KCNA2: variants seen among roughly 807,000 people sequenced by gnomAD.
KCNA2 encodes the protein potassium channel, voltage gated shaker related subfamily A, member 2.
In KCNA2, 11 loss-of-function variants were observed where a neutral mutation model predicts 33.4. The ratio of observed to expected loss-of-function variants is 0.33; its 90% CI spans 0.21 to 0.55. The LOEUF is 0.55. Ranked by LOEUF, KCNA2 falls within the 20% of genes least tolerant of loss-of-function variation. The pLI is 0.93. For missense variants in KCNA2, 291 were observed against 621.6 expected (o/e 0.47, Z 5.66); for synonymous variants, 222 against 231.3 (o/e 0.96, Z 0.37).
intron 1 of KCNA2, among the ~76,000 whole-genome samples, chr1:110,620,795 G>A (rs930355262): frequency 6.6e-6 from 1 of 152,136 alleles, no homozygotes; most frequent in African/African-American, 2.4e-5. Context: ...ACCCCCAGCG[G>A]CCCCGTGTGT....
chr1:110,628,360 C>A (rs1273679097), intron 1 of KCNA2, among the ~76,000 whole-genome samples: 2 of 152,160 alleles, frequency 1.3e-5, no homozygotes, highest in South Asian at 2.1e-4. Flanking sequence ...CTTCCATGAT[C>A]GCCCTCTGAA....
chr1:110,603,506 T>C lies in KCNA2; in HGVS notation c.1277A>G (p.Gln426Arg), dbSNP rs1649453797. ...GCTTGTCACTTGCAAGTATTGGGCC[T>C]GTTCCTCTCCCTCTGTCTCCCGGTG... ...FYHRETEGEE[Q>R]AQYLQVTSCP... Residue 426 changes from glutamine to arginine, a missense_variant, in exon 3 of 3, where the codon CAG (glutamine) becomes CGG (arginine). Physicochemically the swap from Gln to Arg is conservative, Grantham distance 43. Around this residue, in one of 5 missense-constraint regions of KCNA2, gnomAD observed 65 missense variants for 95.1 expected, o/e 0.68. Coordinates refer to ENST00000316361, the MANE Select transcript of KCNA2 (RefSeq NM_004974.4). The surrounding 1 kb of genome is among the most constrained non-coding windows in gnomAD (Gnocchi z 5.7). 2 of 1,614,018 alleles carry C rather than the reference T, an allele frequency of 1.2e-6. No individual in the cohort carries two copies. The highest frequency in any genetic ancestry group is 1.1e-5 in the South Asian group (1 of 91,064).
Position 110,614,967 on chromosome 1 carries a change from C to T in KCNA2, c.-495-9245G>A, listed in dbSNP as rs1008895832. ...CAAAGATGCCAAATCATTTTGAAAACGAATCCTGCAAACATTCCAAACAGT... is the reference window on the plus strand; with the variant it reads ...CAAAGATGCCAAATCATTTTGAAAATGAATCCTGCAAACATTCCAAACAGT... On this transcript the variant is annotated intron_variant, in intron 1 of 4. Transcript: ENST00000369770. 3.3e-5 allele frequency among the ~76,000 whole-genome samples: 5 copies of T among 152,226 alleles called. 1 individual carries two copies. The highest frequency in any genetic ancestry group is 9.6e-5 in the African/African-American group (4 of 41,468).
In KCNA2 at chr1:110,594,313, ATATATATATG is replaced by A; in HGVS notation, c.*8960_*8969del. On this transcript the variant is annotated 3_prime_UTR_variant, in exon 3 of 3. Coordinates refer to ENST00000316361, the MANE Select transcript of KCNA2 (RefSeq NM_004974.4). ...TCTCTCTATATATATATATACATAT[ATATATATATG>A]TGTGTGTATATATATATACACACAC... 1.1e-6 allele frequency: 1 copy of A among 903,906 alleles called. No individual in the cohort carries two copies. 56.0% of individuals were successfully genotyped at this position (903,906 alleles called of 1,614,324 possible). A position where few individuals can be genotyped will look rare whatever the true frequency, so the allele number is the denominator to read the frequency against.
chr1:110,629,497 C>T (rs773889961), intron 1 of KCNA2, among the ~76,000 whole-genome samples: 6 of 152,194 alleles, frequency 3.9e-5, no homozygotes, highest in East Asian at 3.8e-4. Flanking sequence ...ATGCTGTTAA[C>T]GTTTGTAGAC....
intron 1 of KCNA2, among the ~76,000 whole-genome samples, chr1:110,615,453 T>G (rs1469222017): frequency 1.3e-5 from 2 of 152,204 alleles, no homozygotes; most frequent in African/African-American, 4.8e-5. Flanking sequence ...TTTTCTGAAT[T>G]GATTAAAAGA....
At chr1:110,624,297 C>T (rs1650336865) in intron 1 of KCNA2, among the ~76,000 whole-genome samples, 1 of 152,228 alleles carries the variant, frequency 6.6e-6, no homozygotes, top group African/African-American at 2.4e-5. Flanking sequence ...CAATGGAATG[C>T]TATTCAGCAA....
In KCNA2 at chr1:110,601,693, T is replaced by C. The variant is rs1384049417; in HGVS notation, c.*1590A>G. ...AACCCAGGCCCAGTGGGGTTACCAA[T>C]GAGACAAATTAACCCATTAGGCCTC... is the stretch of plus-strand genomic sequence containing the variant. On this transcript the variant is annotated 3_prime_UTR_variant, in exon 3 of 3. Coordinates refer to ENST00000316361, the MANE Select transcript of KCNA2 (RefSeq NM_004974.4). 1 of 1,106,914 alleles carries C rather than the reference T, an allele frequency of 9.0e-7. No homozygotes were observed. Among genetic ancestry groups the C allele is most frequent in the Non-Finnish European group, 1.1e-6 (1 of 910,430 alleles). The allele number at this position is 1,106,914 out of a possible 1,614,324, so 68.6% of individuals were successfully genotyped here. A position where few individuals can be genotyped will look rare whatever the true frequency, so the allele number is the denominator to read the frequency against.
At chr1:110,628,710 C>T (rs1262991636) in intron 1 of KCNA2, among the ~76,000 whole-genome samples, 3 of 152,168 alleles carry the variant, frequency 2.0e-5, no homozygotes, top group Non-Finnish European at 4.4e-5. Flanking sequence ...GGCAGGAGGT[C>T]AGATTAGATG....
rs1379144606 is a variant in KCNA2, at chr1:110,603,273, T to TA, written c.*9dup. The TA allele has an allele frequency of 2.5e-6, 4 of 1,591,202 alleles. No homozygotes were observed. The African/African-American group carries it at 4.0e-5, about 16-fold the overall frequency. On this transcript the variant is annotated 3_prime_UTR_variant, in exon 3 of 3. Transcript: ENST00000316361. This position sits in a 1 kb window ranked among gnomAD's most constrained non-coding sequence, Gnocchi z 5.7. ...TTCCATTGAGCTGTGAGTACGGTAATAGGTTTCAATCAGACATCAGTTAAC... is the reference window on the plus strand; with the variant it reads ...TTCCATTGAGCTGTGAGTACGGTAATAAGGTTTCAATCAGACATCAGTTAAC...
chr1:110,612,387 G>A (rs1557736817), intron 1 of KCNA2, among the ~76,000 whole-genome samples: 1 of 152,176 alleles, frequency 6.6e-6, no homozygotes, highest in Non-Finnish European at 1.5e-5. Flanking sequence ...AATAGTGTAG[G>A]TGATTGTAAC....
chr1:110,599,823 G>A lies in KCNA2; in HGVS notation c.*3460C>T. 1 of 985,572 alleles carries A rather than the reference G, an allele frequency of 1.0e-6. No individual in the cohort carries two copies. Among genetic ancestry groups the A allele is most frequent in the Non-Finnish European group, 1.2e-6 (1 of 830,084 alleles). The allele number at this position is 985,572 out of a possible 1,614,324, so 61.1% of individuals were successfully genotyped here. A position where few individuals can be genotyped will look rare whatever the true frequency, so the allele number is the denominator to read the frequency against. ...GAGCCTGGGCTATTGGGTTGTCTGT[G>A]CGGATTTGCTGGAAGGAAGGAAGGG... On this transcript the variant is annotated 3_prime_UTR_variant, in exon 3 of 3. Transcript: ENST00000316361.
At chr1:110,621,171 C>T (rs185273810) in intron 1 of KCNA2, among the ~76,000 whole-genome samples, 206 of 152,302 alleles carry the variant, frequency 1.4e-3, no homozygotes, top group Non-Finnish European at 2.1e-3. Flanking sequence ...AGTCCCACTC[C>T]TTGTTTGCTG....
chr1:110,593,766 T>TATATGTGTAC lies in KCNA2; in HGVS notation c.*9516_*9517insGTACACATAT. The TATATGTGTAC allele has an allele frequency of 4.4e-6, 5 of 1,145,636 alleles. No homozygotes were observed. The highest frequency in any genetic ancestry group is 6.2e-6 in the Non-Finnish European group (5 of 809,506). 71.0% of individuals were successfully genotyped at this position (1,145,636 alleles called of 1,614,324 possible). A position where few individuals can be genotyped will look rare whatever the true frequency, so the allele number is the denominator to read the frequency against. On this transcript the variant is annotated 3_prime_UTR_variant, in exon 3 of 3. Coordinates refer to ENST00000316361, the MANE Select transcript of KCNA2 (RefSeq NM_004974.4). ...GTTCATTGAGGCACATATGTACACA[T>TATATGTGTAC]ATATGTATAACCTATGTACAAATAT...
In KCNA2 at chr1:110,593,910, A is replaced by G; in HGVS notation, c.*9373T>C. On this transcript the variant is annotated 3_prime_UTR_variant, in exon 3 of 3. Transcript: ENST00000316361. ...TGATAATATCAATACATCCTGTGCA[A>G]TGTAGTTACAGCTGGTGTCTAAATT... The G allele has an allele frequency of 6.5e-7, 1 of 1,550,178 alleles. No individual in the cohort carries two copies. The highest frequency in any genetic ancestry group is 8.7e-7 in the Non-Finnish European group (1 of 1,146,844).
intron 1 of KCNA2, among the ~76,000 whole-genome samples, chr1:110,615,824 G>T (rs922560828): frequency 6.6e-6 from 1 of 152,178 alleles, no homozygotes; most frequent in Non-Finnish European, 1.5e-5. Context: ...GGGACAGAGG[G>T]TCGGGGCGCC....
At chr1:110,625,221 C>T (rs139342390) in intron 1 of KCNA2, among the ~76,000 whole-genome samples, 83 of 152,288 alleles carry the variant, frequency 5.5e-4, no homozygotes, top group Middle Eastern at 3.4e-3. Flanking sequence ...TAGGGAAATG[C>T]CCCACTACTT....
At chr1:110,621,018 A>G (rs1650243622) in intron 1 of KCNA2, among the ~76,000 whole-genome samples, 1 of 152,182 alleles carries the variant, frequency 6.6e-6, no homozygotes, top group Admixed American at 6.5e-5. Flanking sequence ...GGCTTGTCAC[A>G]TGTAATAGTG....
rs1360824860 is a variant in KCNA2, at chr1:110,593,606, AT to A, written c.*9676del. The stretch of plus-strand genomic sequence containing the variant: ...GTCTGTCAAAAATTTTATTTTTTTC[AT>A]ATCACACAGAATGATGTTAAAATAA... On this transcript the variant is annotated 3_prime_UTR_variant, in exon 3 of 3. Coordinates refer to ENST00000316361, the MANE Select transcript of KCNA2 (RefSeq NM_004974.4). 3.6e-6 allele frequency: 1 copy of A among 279,352 alleles called. No homozygotes were observed. The highest frequency in any genetic ancestry group is 6.6e-6 in the Non-Finnish European group (1 of 152,300). 17.3% of individuals were successfully genotyped at this position (279,352 alleles called of 1,614,324 possible).
Sources: allele counts gnomAD v4.1 joint callset (sites outside exome capture counted in the v4.1 genomes callset), GRCh38; gene constraint gnomAD v4.1.1; regional missense constraint gnomAD v4.1.1; non-coding constraint Gnocchi (gnomAD v3.1); transcripts MANE v1.5; gene names NCBI Gene and HGNC (gene_info 2026-07-23, HGNC 2026-07-21).